Variants in STXBP4 observed in about 807,000 individuals in gnomAD.
The protein encoded by STXBP4 is syntaxin-binding protein 4.
In STXBP4, 55 loss-of-function variants were observed where a neutral mutation model predicts 76.1. The ratio of observed to expected loss-of-function variants is 0.72; its 90% CI spans 0.58 to 0.91. The LOEUF (loss-of-function observed/expected upper bound fraction) is 0.91, where lower values mean the gene tolerates loss of function less well. Among genes scored for constraint, STXBP4 ranks in the 40% least tolerant of loss-of-function variants. The pLI is 0.00. For synonymous variants in STXBP4, 201 were observed against 220.2 expected, an observed-to-expected ratio of 0.91 and a Z score of 0.77; for missense variants, 618 against 636.9, an observed-to-expected ratio of 0.97 and a Z score of 0.32.
At chr17:55,067,609 A>G (rs1179387205) in intron 12 of STXBP4, among the ~76,000 whole-genome samples, 1 of 152,106 alleles carries the variant, frequency 6.6e-6, no homozygotes, top group African/African-American at 2.4e-5. Context: ...GAATGAGGAT[A>G]TATTTTATCA....
chr17:55,004,639 T>C (rs576185448), intron 7 of STXBP4, among the ~76,000 whole-genome samples: 104 of 151,956 alleles, frequency 6.8e-4, no homozygotes, highest in African/African-American at 2.4e-3. Flanking sequence ...AGGTCGAGGT[T>C]GCAGTGAGCT....
chr17:54,969,466 T>G (rs1472276893), intron 1 of STXBP4, among the ~76,000 whole-genome samples: 2 of 152,206 alleles, frequency 1.3e-5, no homozygotes, highest in Non-Finnish European at 2.9e-5. Flanking sequence ...GGGTTCTGGA[T>G]TTTTACCCGG....
intron 12 of STXBP4, among the ~76,000 whole-genome samples, chr17:55,055,424 C>G (rs1292463038): frequency 6.6e-6 from 1 of 152,110 alleles, no homozygotes; most frequent in Non-Finnish European, 1.5e-5. Context: ...CACTTTTCAC[C>G]ACTTCCATCA....
At chr17:55,059,202 A>G (rs1430125268) in intron 12 of STXBP4, among the ~76,000 whole-genome samples, 1 of 152,152 alleles carries the variant, frequency 6.6e-6, no homozygotes, top group Non-Finnish European at 1.5e-5. Context: ...TACTAATATG[A>G]TTTACCTAGG....
the STXBP4 span, among the ~76,000 whole-genome samples, chr17:55,190,934 G>T: frequency 6.6e-6 from 1 of 152,200 alleles, no homozygotes; most frequent in African/African-American, 2.4e-5. Flanking sequence ...GAGCCAGAGA[G>T]AATGACCGTA....
At chr17:54,995,815 G>C (rs1022174625) in intron 4 of STXBP4, among the ~76,000 whole-genome samples, 6 of 152,122 alleles carry the variant, frequency 3.9e-5, no homozygotes, top group African/African-American at 1.4e-4. Flanking sequence ...TTATTCCTTT[G>C]CCATTATTAT....
At chr17:55,185,834 T>A in the STXBP4 span, among the ~76,000 whole-genome samples, 2 of 152,144 alleles carry the variant, frequency 1.3e-5, no homozygotes, top group Non-Finnish European at 2.9e-5. Flanking sequence ...GAGGTCATAA[T>A]CTGGAGAAAG....
chr17:54,976,830 G>A lies in STXBP4; in HGVS notation c.-157+8015G>A, dbSNP rs554755970. 5.8e-4 allele frequency among the ~76,000 whole-genome samples: 88 copies of A among 152,202 alleles called. 1 individual carries two copies. Among genetic ancestry groups the A allele is most frequent in the Admixed American group, 1.8e-3 (28 of 15,296 alleles). ...GAAACCATCCCCCACACCCCCATGCGTGGAAAAATTGTCTTCCACAAAACT... is the reference window on the plus strand; with the variant it reads ...GAAACCATCCCCCACACCCCCATGCATGGAAAAATTGTCTTCCACAAAACT... On this transcript the variant is annotated intron_variant, in intron 1 of 17. Coordinates refer to ENST00000376352, the MANE Select transcript of STXBP4 (RefSeq NM_178509.6).
chr17:55,046,533 A>G (rs946984549), intron 11 of STXBP4, among the ~76,000 whole-genome samples: 2 of 151,950 alleles, frequency 1.3e-5, no homozygotes, highest in African/African-American at 4.8e-5. Context: ...CGTAGGGTAT[A>G]TGCTTGACTT....
At chr17:55,195,883 G>A in the STXBP4 span, among the ~76,000 whole-genome samples, 22 of 152,228 alleles carry the variant, frequency 1.4e-4, no homozygotes, top group South Asian at 3.1e-3. Context: ...GGTGCTACTG[G>A]CGTCTAGTGG....
intron 12 of STXBP4, among the ~76,000 whole-genome samples, chr17:55,051,121 A>T (rs923086634): frequency 6.6e-6 from 1 of 152,212 alleles, no homozygotes; most frequent in African/African-American, 2.4e-5. Flanking sequence ...GTAGATATGC[A>T]TGTTAAGATA....
At chr17:55,056,022 G>C (rs1236849992) in intron 12 of STXBP4, among the ~76,000 whole-genome samples, 2 of 152,082 alleles carry the variant, frequency 1.3e-5, no homozygotes, top group African/African-American at 4.8e-5. Context: ...TATACTTTAA[G>C]GTTAAACTGA....
rs1387530289 is a variant in STXBP4, at chr17:55,169,450, C to T, written c.*9539C>T. ...CATGTTCCTGTAGCCTGAGGACAGC[C>T]GTCCAACAAAGAGGTGCAGGTGCTG... On this transcript the variant is annotated 3_prime_UTR_variant, in exon 18 of 18. Coordinates refer to ENST00000376352, the MANE Select transcript of STXBP4 (RefSeq NM_178509.6). The T allele has an allele frequency of 6.6e-6, 1 of 152,160 alleles. No homozygotes were observed. Among genetic ancestry groups the T allele is most frequent in the Admixed American group, 6.5e-5 (1 of 15,274 alleles). 9.4% of individuals were successfully genotyped at this position (152,160 alleles called of 1,614,324 possible).
chr17:55,186,964 C>T, the STXBP4 span, among the ~76,000 whole-genome samples: 1 of 152,154 alleles, frequency 6.6e-6, no homozygotes, highest in African/African-American at 2.4e-5. Context: ...GCTCACTCTT[C>T]AAATCAAAAG....
chr17:55,065,552 T>C (rs1181595427), intron 12 of STXBP4, among the ~76,000 whole-genome samples: 1 of 152,116 alleles, frequency 6.6e-6, no homozygotes, highest in Non-Finnish European at 1.5e-5. Flanking sequence ...TCTGCAATTA[T>C]GAAAGGAAGT....
At chr17:55,102,583 A>C (rs530223511) in intron 16 of STXBP4, among the ~76,000 whole-genome samples, 47 of 152,298 alleles carry the variant, frequency 3.1e-4, no homozygotes, top group Admixed American at 7.8e-4. Context: ...GCTGCAGTAA[A>C]CATATGTGTA....
chr17:55,124,888 C>T (rs1199598048), intron 16 of STXBP4, among the ~76,000 whole-genome samples: 2 of 152,118 alleles, frequency 1.3e-5, no homozygotes, highest in Non-Finnish European at 2.9e-5. Flanking sequence ...CTTCTTTGTA[C>T]ATGCACACAG....
At chr17:55,129,661 C>T (rs966147894) in intron 16 of STXBP4, among the ~76,000 whole-genome samples, 1 of 152,056 alleles carries the variant, frequency 6.6e-6, no homozygotes, top group Non-Finnish European at 1.5e-5. Flanking sequence ...TTTTATGTAA[C>T]CTTTGAAATA....
intron 16 of STXBP4, among the ~76,000 whole-genome samples, chr17:55,135,863 C>A (rs1333523352): frequency 1.3e-5 from 2 of 152,016 alleles, no homozygotes; most frequent in Non-Finnish European, 2.9e-5. Context: ...AAGAGTTAGG[C>A]AAAAGTATTA....
Sources: allele counts gnomAD v4.1 joint callset (sites outside exome capture counted in the v4.1 genomes callset), GRCh38; gene constraint gnomAD v4.1.1; transcripts MANE v1.5; gene names NCBI Gene and HGNC (gene_info 2026-07-23, HGNC 2026-07-21).